Variants in CHD9 observed in about 807,000 individuals in gnomAD.
CHD9 encodes the protein chromodomain helicase DNA binding protein 9, also known as ATP-dependent chromatin remodeler CHD9.
A neutral mutation model predicts 316.1 loss-of-function variants in CHD9; 77 were observed. The observed-to-expected ratio is 0.24, with a 90% CI of 0.20 to 0.29. CHD9 has a LOEUF of 0.29. Ranked by LOEUF, CHD9 falls within the 10% of genes least tolerant of loss-of-function variation. The pLI is 1.00. For missense variants in CHD9, 2,763 were observed against 3,438.1 expected, an observed-to-expected ratio of 0.80 and a Z score of 4.91; for synonymous variants, 1,129 against 1,158.3, an observed-to-expected ratio of 0.97 and a Z score of 0.51.
At chr16:53,176,988 C>G (rs1047339775) in intron 2 of CHD9, among the ~76,000 whole-genome samples, 12 of 152,150 alleles carry the variant, frequency 7.9e-5, no homozygotes, top group African/African-American at 2.9e-4. Context: ...CAGAGTCTCA[C>G]TTTGTCGCCC....
rs74796975 is a variant in CHD9, at chr16:53,199,942, A to G, written c.1453-9540A>G. ...TAGTGTCAGATTATAAACCATAGAA[A>G]GAAAGTAATATCGGCTGGCACGGTG... On this transcript the variant is annotated intron_variant, in intron 2 of 38. Transcript: ENST00000447540. Among the ~76,000 whole-genome samples, 318 of 152,326 alleles carry G rather than the reference A, an allele frequency of 2.1e-3. 1 individual carries two copies. Among genetic ancestry groups the G allele is most frequent in the African/African-American group, 7.5e-3 (310 of 41,570 alleles).
At chr16:53,171,869 C>G (rs867192887) in intron 2 of CHD9, among the ~76,000 whole-genome samples, 91 of 75,650 alleles carry the variant, frequency 1.2e-3, no homozygotes, top group African/African-American at 3.5e-3. Flanking sequence ...CAGACACACA[C>G]ACACACACAC....
At position 53,256,429 on chromosome 16, in the gene CHD9, A is replaced by T. The variant is rs113321653; in HGVS notation, c.4209+650A>T. On this transcript the variant is annotated intron_variant, in intron 19 of 38. Transcript: ENST00000447540. ...GAGACAGAGTCTCACTCCGTCACACAGGCTGGAGTACAGTGGCACGATCTC... is the reference window on the plus strand; with the variant it reads ...GAGACAGAGTCTCACTCCGTCACACTGGCTGGAGTACAGTGGCACGATCTC... 6.5e-3 allele frequency among the ~76,000 whole-genome samples: 848 copies of T among 130,434 alleles called. 5 individuals carry two copies. The highest frequency in any genetic ancestry group is 0.013 in the Middle Eastern group (3 of 228). 85.6% of individuals were successfully genotyped at this position (130,434 alleles called of 152,430 possible). A position where few individuals can be genotyped will look rare whatever the true frequency, so the allele number is the denominator to read the frequency against.
intron 28 of CHD9, among the ~76,000 whole-genome samples, chr16:53,292,005 T>A (rs958561112): frequency 1.3e-5 from 2 of 152,240 alleles, no homozygotes; most frequent in Admixed American, 6.5e-5. Flanking sequence ...GATGACATTA[T>A]GACTTGACTA....
rs185191599 is a variant in CHD9, at chr16:53,157,551, T to G, written c.1452+10T>G. 2,198 of 1,590,624 alleles carry G rather than the reference T, an allele frequency of 1.4e-3. 16 individuals are homozygous for G. In the Middle Eastern group the frequency reaches 0.018, roughly 13 times the overall value. Reference sequence around the variant, plus strand: ...ATGTTTACAGCGACAGGTATGTAGCTCTTTGCTTTTATTTTGGAGATTTGG... The same window carrying G: ...ATGTTTACAGCGACAGGTATGTAGCGCTTTGCTTTTATTTTGGAGATTTGG... On this transcript the variant is annotated intron_variant, in intron 2 of 38. Coordinates refer to ENST00000447540, the MANE Select transcript of CHD9 (RefSeq NM_001308319.2).
intron 1 of CHD9, chr16:53,121,442 CT>C: frequency 2.2e-6 from 1 of 455,988 alleles, no homozygotes; most frequent in Non-Finnish European, 4.4e-6. Context: ...GGACAAGCAG[CT>C]GTTTATAAAA....
At chr16:53,066,732 C>T (rs567706082) in intron 1 of CHD9, among the ~76,000 whole-genome samples, 88 of 152,260 alleles carry the variant, frequency 5.8e-4, no homozygotes, top group Middle Eastern at 3.4e-3. Flanking sequence ...TCTCTTTGGT[C>T]AATCAGCAGT....
intron 1 of CHD9, among the ~76,000 whole-genome samples, chr16:53,150,629 G>A (rs890880331): frequency 3.9e-5 from 6 of 151,964 alleles, no homozygotes; most frequent in Non-Finnish European, 5.9e-5. Flanking sequence ...CATTTTATCC[G>A]AATGGATTCC....
chr16:53,233,231 C>T (rs923570362), intron 10 of CHD9, among the ~76,000 whole-genome samples: 2 of 152,168 alleles, frequency 1.3e-5, no homozygotes, highest in Non-Finnish European at 2.9e-5. Flanking sequence ...CCATTACCCA[C>T]CACTTTGGGT....
At chr16:53,164,860 G>A (rs1270331049) in intron 2 of CHD9, among the ~76,000 whole-genome samples, 1 of 151,934 alleles carries the variant, frequency 6.6e-6, no homozygotes, top group Non-Finnish European at 1.5e-5. Flanking sequence ...TCTCCATGTT[G>A]CCCAGGTTGG....
chr16:53,076,772 C>T (rs1294856625), intron 1 of CHD9, among the ~76,000 whole-genome samples: 1 of 151,310 alleles, frequency 6.6e-6, no homozygotes, highest in Non-Finnish European at 1.5e-5. Context: ...GACTCTATCT[C>T]AAAAACAAAA....
intron 1 of CHD9, among the ~76,000 whole-genome samples, chr16:53,105,207 G>T (rs2037236261): frequency 6.6e-6 from 1 of 152,038 alleles, no homozygotes; most frequent in African/African-American, 2.4e-5. Context: ...AAATTCGAAA[G>T]GATATATAGT....
At chr16:53,097,620 C>T (rs902325926) in intron 1 of CHD9, among the ~76,000 whole-genome samples, 2 of 152,140 alleles carry the variant, frequency 1.3e-5, no homozygotes, top group African/African-American at 4.8e-5. Flanking sequence ...TTAGTTTTGT[C>T]TGTATCTTTA....
chr16:53,133,462 A>G (rs2152688174), intron 1 of CHD9, among the ~76,000 whole-genome samples: 1 of 152,246 alleles, frequency 6.6e-6, no homozygotes, highest in South Asian at 2.1e-4. Context: ...AAAAATTATG[A>G]TGCTTTTATA....
At chr16:53,181,455 T>C (rs1002677994) in intron 2 of CHD9, among the ~76,000 whole-genome samples, 4 of 152,170 alleles carry the variant, frequency 2.6e-5, no homozygotes, top group South Asian at 2.1e-4. Context: ...TTTGCTTAAG[T>C]AATATACTTA....
At chr16:53,217,953 TTTC>T (rs766206577) in intron 3 of CHD9, among the ~76,000 whole-genome samples, 2 of 122,446 alleles carry the variant, frequency 1.6e-5, no homozygotes, top group East Asian at 2.4e-4. Flanking sequence ...TCTTTCTTTC[TTTC>T]TTTTTTTTTT....
At chr16:53,289,013 G>A (rs1274818553) in intron 27 of CHD9, among the ~76,000 whole-genome samples, 3 of 151,564 alleles carry the variant, frequency 2.0e-5, no homozygotes, top group Non-Finnish European at 2.9e-5. Flanking sequence ...ATAAAATGAA[G>A]TAAAAACCCC....
At chr16:53,281,325 C>T (rs1321089910) in intron 24 of CHD9, among the ~76,000 whole-genome samples, 1 of 152,156 alleles carries the variant, frequency 6.6e-6, no homozygotes, top group Non-Finnish European at 1.5e-5. Context: ...AAATATACAA[C>T]CCATTGCTCT....
intron 1 of CHD9, among the ~76,000 whole-genome samples, chr16:53,139,760 A>G (rs921702947): frequency 2.0e-5 from 3 of 152,184 alleles, no homozygotes; most frequent in Admixed American, 2.0e-4. Context: ...GGTAATGACA[A>G]TCAACCTGTC....
Sources: allele counts gnomAD v4.1 joint callset (sites outside exome capture counted in the v4.1 genomes callset), GRCh38; gene constraint gnomAD v4.1.1; transcripts MANE v1.5; gene names NCBI Gene and HGNC (gene_info 2026-07-23, HGNC 2026-07-21).